The following SPMIP4 variants were observed in gnomAD, a reference collection of about 807,000 sequenced individuals.
The protein encoded by SPMIP4 is sperm-associated microtubule inner protein 4.
the SPMIP4 span, among the ~76,000 whole-genome samples, chr7:25,143,842 C>T: frequency 2.0e-5 from 3 of 152,100 alleles, no homozygotes; most frequent in Non-Finnish European, 4.4e-5. Context: ...AAGAGATCCT[C>T]CTACTTCAGC....
At chr7:25,168,914 C>CG in the SPMIP4 span, among the ~76,000 whole-genome samples, 20 of 151,648 alleles carry the variant, frequency 1.3e-4, no homozygotes, top group African/African-American at 2.9e-4. Context: ...TTAGTAGAGA[C>CG]GGGGGTCTCA....
the SPMIP4 span, among the ~76,000 whole-genome samples, chr7:25,172,863 T>C: frequency 1.3e-4 from 19 of 151,816 alleles, no homozygotes; most frequent in Admixed American, 3.9e-4. This position sits in a 1 kb window ranked among gnomAD's most constrained non-coding sequence, Gnocchi z 4.2. Context: ...AGGGCCATGG[T>C]GAGAGGTGGA....
chr7:25,132,236 A>T, the SPMIP4 span, among the ~76,000 whole-genome samples: 1 of 152,064 alleles, frequency 6.6e-6, no homozygotes, highest in Admixed American at 6.5e-5. The surrounding 1 kb of genome is among the most constrained non-coding windows in gnomAD (Gnocchi z 5.0). Context: ...AGCTCTCTTT[A>T]CTATCTGATT....
chr7:25,151,813 T>G, the SPMIP4 span: 4 of 515,232 alleles, frequency 7.8e-6, no homozygotes, highest in Non-Finnish European at 1.4e-5. Flanking sequence ...TAGTTACAGC[T>G]TTAGAGAGAT....
chr7:25,161,960 G>A, the SPMIP4 span, among the ~76,000 whole-genome samples: 1 of 152,186 alleles, frequency 6.6e-6, no homozygotes, highest in East Asian at 1.9e-4. Flanking sequence ...AAGCCTGAAA[G>A]AAAATTTGAT....
chr7:25,126,841 C>A, the SPMIP4 span, among the ~76,000 whole-genome samples: 4 of 152,176 alleles, frequency 2.6e-5, no homozygotes, highest in African/African-American at 9.7e-5. Context: ...GACTGAGGAA[C>A]TCCCTTTAGC....
At chr7:25,164,778 T>A in the SPMIP4 span, among the ~76,000 whole-genome samples, 1 of 152,182 alleles carries the variant, frequency 6.6e-6, no homozygotes, top group Non-Finnish European at 1.5e-5. Flanking sequence ...CCTCACCCCT[T>A]TCCCAACCTT....
chr7:25,134,700 C>G, the SPMIP4 span: 1 of 985,558 alleles, frequency 1.0e-6, no homozygotes, highest in Non-Finnish European at 1.2e-6. Flanking sequence ...AATTTTTATA[C>G]TGGAGAGTTA....
the SPMIP4 span, among the ~76,000 whole-genome samples, chr7:25,152,068 A>G: frequency 6.6e-6 from 1 of 152,344 alleles, no homozygotes; most frequent in Non-Finnish European, 1.5e-5. Flanking sequence ...TAGTGCTCTC[A>G]GTAGTAATAG....
At chr7:25,136,283 T>C in the SPMIP4 span, 4 of 1,614,028 alleles carry the variant, frequency 2.5e-6, no homozygotes, top group Admixed American at 5.0e-5. The surrounding 1 kb of genome is among the most constrained non-coding windows in gnomAD (Gnocchi z 5.7). Context: ...TGTAAAACAC[T>C]AGGTTTACTA....
the SPMIP4 span, among the ~76,000 whole-genome samples, chr7:25,169,699 C>T: frequency 7.2e-5 from 11 of 152,036 alleles, no homozygotes; most frequent in South Asian, 2.1e-4. Flanking sequence ...CTCAGCCTCC[C>T]GAGTAGCTGG....
At chr7:25,178,817 T>C in the SPMIP4 span, among the ~76,000 whole-genome samples, 2 of 152,110 alleles carry the variant, frequency 1.3e-5, no homozygotes, top group African/African-American at 4.8e-5. Flanking sequence ...GGTGGGTGGA[T>C]CATTTGAGGT....
chr7:25,131,190 G>T, the SPMIP4 span, among the ~76,000 whole-genome samples: 1 of 152,190 alleles, frequency 6.6e-6, no homozygotes. The surrounding 1 kb of genome is among the most constrained non-coding windows in gnomAD (Gnocchi z 4.2). Flanking sequence ...CTCCTTATGA[G>T]AATCTAATGC....
At chr7:25,127,751 T>C in the SPMIP4 span, among the ~76,000 whole-genome samples, 1 of 152,198 alleles carries the variant, frequency 6.6e-6, no homozygotes, top group Non-Finnish European at 1.5e-5. Context: ...GCTTGTGGAT[T>C]TTTGTTGGTG....
chr7:25,158,489 T>C, the SPMIP4 span: 590 of 1,601,132 alleles, frequency 3.7e-4, 1 homozygote, highest in Non-Finnish European at 4.6e-4. Context: ...AAAATATAAG[T>C]TATTTACTTA....
the SPMIP4 span, among the ~76,000 whole-genome samples, chr7:25,169,146 T>C: frequency 6.6e-6 from 1 of 152,052 alleles, no homozygotes; most frequent in African/African-American, 2.4e-5. Flanking sequence ...TCCCAGCACT[T>C]TGGGAGGCCA....
the SPMIP4 span, among the ~76,000 whole-genome samples, chr7:25,144,820 T>C: frequency 6.6e-6 from 1 of 152,196 alleles, no homozygotes. Context: ...TATACAGTAA[T>C]CATGGTAAAA....
chr7:25,169,467 A>C, the SPMIP4 span, among the ~76,000 whole-genome samples: 173 of 152,298 alleles, frequency 1.1e-3, no homozygotes, highest in Middle Eastern at 6.8e-3. Flanking sequence ...TGTAAGTAGA[A>C]TAATGTAACA....
chr7:25,173,652 C>A, the SPMIP4 span, among the ~76,000 whole-genome samples: 1 of 152,144 alleles, frequency 6.6e-6, no homozygotes, highest in Non-Finnish European at 1.5e-5. This position sits in a 1 kb window ranked among gnomAD's most constrained non-coding sequence, Gnocchi z 4.4. Context: ...TCAACAGACA[C>A]GATTTGGGGG....
Sources: gnomAD v4.1 joint callset for allele counts (sites outside exome capture counted in the v4.1 genomes callset) on GRCh38, gnomAD v4.1.1 for gene constraint, Gnocchi (gnomAD v3.1) non-coding constraint, MANE v1.5 for transcripts, NCBI Gene and HGNC (gene_info 2026-07-23, HGNC 2026-07-21) for gene names.